The following OSBPL1A variants were observed in gnomAD, a reference collection of about 807,000 sequenced individuals.
OSBPL1A encodes the protein oxysterol binding protein like 1A.
In OSBPL1A, 80 loss-of-function variants were observed where a neutral mutation model predicts 137.1. The ratio of observed to expected loss-of-function variants is 0.58; its 90% CI spans 0.49 to 0.70. The LOEUF (loss-of-function observed/expected upper bound fraction) is 0.70, where lower values mean the gene tolerates loss of function less well. Among genes scored for constraint, OSBPL1A ranks in the 30% least tolerant of loss-of-function variants. The pLI is 0.00. For missense variants in OSBPL1A, 970 were observed against 1,129.4 expected (o/e 0.86, Z 2.02); for synonymous variants, 365 against 389.7 (o/e 0.94, Z 0.75).
chr18:24,251,046 G>T (rs550058046), intron 15 of OSBPL1A, among the ~76,000 whole-genome samples: 1 of 152,296 alleles, frequency 6.6e-6, no homozygotes, highest in East Asian at 1.9e-4. Flanking sequence ...AGGGAAGAGC[G>T]GGAAGGACTT....
At chr18:24,311,930 T>TAGG in intron 13 of OSBPL1A, 54 bp downstream of exon 13, 3 of 1,601,806 alleles carry the variant, frequency 1.9e-6, no homozygotes, top group Non-Finnish European at 8.5e-7. Flanking sequence ...AAGTTCTTGA[T>TAGG]TAAACCTCAT....
At chr18:24,202,603 T>A (rs993479243) in intron 17 of OSBPL1A, among the ~76,000 whole-genome samples, 2 of 152,262 alleles carry the variant, frequency 1.3e-5, no homozygotes, top group Non-Finnish European at 2.9e-5. Context: ...AGGCTACATA[T>A]GTTATTATCA....
chr18:24,164,992 TG>T, intron 27 of OSBPL1A, 72 bp downstream of exon 27: 2 of 1,469,944 alleles, frequency 1.4e-6, no homozygotes, highest in Non-Finnish European at 9.4e-7. Flanking sequence ...TCACAGTGTC[TG>T]GCATCCCTGC....
intron 15 of OSBPL1A, among the ~76,000 whole-genome samples, chr18:24,239,734 A>G (rs2088622759): frequency 6.6e-6 from 1 of 152,202 alleles, no homozygotes; most frequent in African/African-American, 2.4e-5. Flanking sequence ...ACACAGTTAA[A>G]AAAAACAGTT....
chr18:24,313,217 C>T (rs942124786), intron 12 of OSBPL1A, among the ~76,000 whole-genome samples: 6 of 151,436 alleles, frequency 4.0e-5, no homozygotes, highest in African/African-American at 1.5e-4. Flanking sequence ...CTGAGGTGGG[C>T]GGATCACAAG....
At chr18:24,393,129 T>C (rs567459778) in intron 1 of OSBPL1A, among the ~76,000 whole-genome samples, 230 of 152,388 alleles carry the variant, frequency 1.5e-3, no homozygotes, top group African/African-American at 4.9e-3. Context: ...CTATGATTAG[T>C]TGCTAGCAAT....
At chr18:24,248,854 G>T (rs1367240565) in intron 15 of OSBPL1A, among the ~76,000 whole-genome samples, 1 of 152,202 alleles carries the variant, frequency 6.6e-6, no homozygotes, top group Non-Finnish European at 1.5e-5. Flanking sequence ...TTGTCAGAAT[G>T]ATTTAAAAAT....
rs1474317098 is a variant in OSBPL1A at position 24,172,387 on chromosome 18, A to C, written c.2190T>G (p.Ile730Met). Residue 730 changes from isoleucine (I) to methionine (M), a missense_variant, in exon 22 of 28, where the codon ATT becomes ATG. Coordinates refer to ENST00000319481, the MANE Select transcript of OSBPL1A (RefSeq NM_080597.4). ...CCAAGGTGCCTTACTTGTGGTTTAT[A>C]ATTTCCACATTGCCATACTGTTCGA... ...LWIEQYGNVE[I>M]INHKTGDKCV... 2 of 1,612,476 alleles carry C rather than the reference A, an allele frequency of 1.2e-6. No individual in the cohort carries two copies. Among genetic ancestry groups the C allele is most frequent in the Non-Finnish European group, 8.5e-7 (1 of 1,178,594 alleles).
At chr18:24,233,100 C>T (rs2088333118) in intron 16 of OSBPL1A, among the ~76,000 whole-genome samples, 2 of 152,120 alleles carry the variant, frequency 1.3e-5, no homozygotes, top group Non-Finnish European at 2.9e-5. Flanking sequence ...TCTGAACCTA[C>T]AATATTCAAA....
chr18:24,250,255 C>A (rs2089046422), intron 15 of OSBPL1A, among the ~76,000 whole-genome samples: 3 of 151,634 alleles, frequency 2.0e-5, no homozygotes, highest in Admixed American at 2.0e-4. Flanking sequence ...TGGCTCACTG[C>A]AACCTCTCTT....
chr18:24,313,207 C>T (rs552704779), intron 12 of OSBPL1A, among the ~76,000 whole-genome samples: 79 of 151,624 alleles, frequency 5.2e-4, no homozygotes, highest in African/African-American at 1.8e-3. Context: ...CTTTGGGAGG[C>T]TGAGGTGGGC....
chr18:24,379,722 T>C (rs62088039), intron 1 of OSBPL1A, among the ~76,000 whole-genome samples: 3 of 150,912 alleles, frequency 2.0e-5, no homozygotes, highest in South Asian at 2.1e-4. Context: ...AAAAAAAATT[T>C]AGCCAGGTGT....
intron 18 of OSBPL1A, 36 bp downstream of exon 18, chr18:24,196,089 T>C: frequency 6.6e-7 from 1 of 1,506,660 alleles, no homozygotes; most frequent in Non-Finnish European, 9.2e-7. Flanking sequence ...ATTAAACATA[T>C]CTGCTTAATA....
At chr18:24,330,531 C>T (rs1048383609) in intron 7 of OSBPL1A, among the ~76,000 whole-genome samples, 8 of 150,224 alleles carry the variant, frequency 5.3e-5, no homozygotes, top group African/African-American at 2.0e-4. Context: ...GTTGCCCAGG[C>T]TGGAGTGCAG....
Position 24,336,670 on chromosome 18 carries a change from T to C in OSBPL1A, c.395-2340A>G, listed in dbSNP as rs186583479. ...ATTTAGTATCACTCTAAACTGTCTTTCTTTTCCATCAGAATCAAGTTAGTG... is the reference window on the plus strand; with the variant it reads ...ATTTAGTATCACTCTAAACTGTCTTCCTTTTCCATCAGAATCAAGTTAGTG... On this transcript the variant is annotated intron_variant, in intron 5 of 27. Coordinates refer to ENST00000319481, the MANE Select transcript of OSBPL1A (RefSeq NM_080597.4). 3.7e-3 allele frequency among the ~76,000 whole-genome samples: 557 copies of C among 152,362 alleles called. 2 individuals carry two copies. The highest frequency in any genetic ancestry group is 6.2e-3 in the Non-Finnish European group (422 of 68,028).
intron 4 of OSBPL1A, among the ~76,000 whole-genome samples, chr18:24,351,759 G>A (rs1273834105): frequency 6.6e-6 from 1 of 152,054 alleles, no homozygotes; most frequent in Non-Finnish European, 1.5e-5. Flanking sequence ...AGGCTGGTCT[G>A]GAACTCCTGA....
At chr18:24,382,406 CA>C (rs58654443) in intron 1 of OSBPL1A, among the ~76,000 whole-genome samples, 201 of 74,502 alleles carry the variant, frequency 2.7e-3, no homozygotes, top group Middle Eastern at 7.8e-3. Context: ...GACTCCGTCT[CA>C]AAAAAAAAAA....
At chr18:24,354,091 A>AAAC (rs1191765528) in intron 4 of OSBPL1A, among the ~76,000 whole-genome samples, 4 of 152,128 alleles carry the variant, frequency 2.6e-5, no homozygotes, top group African/African-American at 9.7e-5. Flanking sequence ...AAAAAAAGAA[A>AAAC]AACAACAATT....
chr18:24,352,108 C>G (rs1203520435), intron 4 of OSBPL1A, among the ~76,000 whole-genome samples: 2 of 152,064 alleles, frequency 1.3e-5, no homozygotes, highest in Non-Finnish European at 2.9e-5. Flanking sequence ...GAGTTCAAGA[C>G]CAGCCTGGGA....
Sources: allele counts gnomAD v4.1 joint callset (sites outside exome capture counted in the v4.1 genomes callset), GRCh38; gene constraint gnomAD v4.1.1; transcripts MANE v1.5; gene names NCBI Gene and HGNC (gene_info 2026-07-23, HGNC 2026-07-21).